Variants in PCGF5 observed in about 807,000 individuals in gnomAD.
PCGF5 encodes the protein polycomb group ring finger 5.
PCGF5 carries 9 observed loss-of-function variants against 44.3 expected under a neutral mutation model. The observed-to-expected ratio is 0.20, with a 90% confidence interval of 0.12 to 0.35. The LOEUF is 0.35. Ranked by LOEUF, PCGF5 falls within the 10% of genes least tolerant of loss-of-function variation. The pLI, the probability that PCGF5 is intolerant of heterozygous loss-of-function variation, is 1.00. For synonymous variants in PCGF5, 95 were observed against 102.5 expected, an observed-to-expected ratio of 0.93 and a Z score of 0.44; for missense variants, 146 against 305.3, an observed-to-expected ratio of 0.48 and a Z score of 3.89.
At chr10:91,191,381 G>A (rs556979448) in intron 1 of PCGF5, among the ~76,000 whole-genome samples, 1 of 152,126 alleles carries the variant, frequency 6.6e-6, no homozygotes, top group Non-Finnish European at 1.5e-5. Flanking sequence ...ACAAAGGGAT[G>A]ATTCACCACA....
chr10:91,239,663 AT>A (rs1845270530), intron 2 of PCGF5, among the ~76,000 whole-genome samples: 1 of 152,142 alleles, frequency 6.6e-6, no homozygotes, highest in Non-Finnish European at 1.5e-5. Flanking sequence ...TACTGTAAAT[AT>A]TGTCTAAGGT....
chr10:91,278,067 C>T (rs7919961), intron 9 of PCGF5, among the ~76,000 whole-genome samples: 19,869 of 152,040 alleles, frequency 0.13, 2,440 homozygotes, highest in African/African-American at 0.32. Context: ...CTGCATATTA[C>T]TGAAAACTTG....
intron 1 of PCGF5, among the ~76,000 whole-genome samples, chr10:91,211,381 G>C (rs1247907633): frequency 6.6e-6 from 1 of 152,164 alleles, no homozygotes; most frequent in Non-Finnish European, 1.5e-5. Flanking sequence ...CTCCATGACA[G>C]TGTGCTGTGT....
chr10:91,177,525 A>C (rs1327682628), intron 1 of PCGF5, among the ~76,000 whole-genome samples: 1 of 152,232 alleles, frequency 6.6e-6, no homozygotes, highest in Non-Finnish European at 1.5e-5. Flanking sequence ...AGAGGCAGAC[A>C]GGCCTCCTTG....
intron 3 of PCGF5, among the ~76,000 whole-genome samples, chr10:91,240,980 T>G (rs1254115010): frequency 1.3e-5 from 2 of 150,650 alleles, no homozygotes; most frequent in East Asian, 3.9e-4. Context: ...AACATTTATG[T>G]AAAACCTAAA....
intron 1 of PCGF5, among the ~76,000 whole-genome samples, chr10:91,215,109 A>G (rs1844518783): frequency 6.6e-6 from 1 of 152,182 alleles, no homozygotes; most frequent in Admixed American, 6.5e-5. Flanking sequence ...CCCTCCTAAC[A>G]TTTTTGGGAA....
chr10:91,216,065 T>G (rs1474794837), upstream of PCGF5, among the ~76,000 whole-genome samples: 2 of 152,248 alleles, frequency 1.3e-5, no homozygotes, highest in Non-Finnish European at 2.9e-5. Flanking sequence ...CTTTTTGCCA[T>G]CCACTCTGCT....
intron 2 of PCGF5, among the ~76,000 whole-genome samples, chr10:91,237,979 A>T (rs1845213835): frequency 6.6e-6 from 1 of 152,228 alleles, no homozygotes; most frequent in African/African-American, 2.4e-5. Flanking sequence ...TGTATAATTT[A>T]AAATTTTCTA....
intron 1 of PCGF5, among the ~76,000 whole-genome samples, chr10:91,179,269 G>C (rs1028194907): frequency 2.6e-5 from 4 of 152,206 alleles, no homozygotes; most frequent in African/African-American, 9.7e-5. Flanking sequence ...CATGGGAGAG[G>C]TGAGTTAGAT....
Position 91,263,462 on chromosome 10 carries a change from C to T in PCGF5, c.574-969C>T, listed in dbSNP as rs181388260. Among the ~76,000 whole-genome samples the T allele has an allele frequency of 5.3e-5, 8 of 152,262 alleles. No homozygotes were observed. The East Asian group carries it at 1.5e-3, about 29-fold the overall frequency. On this transcript the variant is annotated intron_variant, in intron 7 of 9. Transcript: ENST00000336126. The stretch of plus-strand genomic sequence containing the variant: ...TAATACAATTAACTGAAACTATACT[C>T]ATCTTAAAGTTCAAAACTGTAGTCT...
intron 9 of PCGF5, among the ~76,000 whole-genome samples, chr10:91,277,167 T>G (rs1846337167): frequency 6.6e-6 from 1 of 152,190 alleles, no homozygotes; most frequent in Admixed American, 6.5e-5. Flanking sequence ...CATCCTGAGC[T>G]GAATGGTTAC....
intron 6 of PCGF5, among the ~76,000 whole-genome samples, chr10:91,259,455 A>C (rs1385070900): frequency 2.0e-5 from 3 of 152,188 alleles, no homozygotes; most frequent in Non-Finnish European, 4.4e-5. Flanking sequence ...TATAATCTTC[A>C]CAGAATTGGA....
intron 1 of PCGF5, among the ~76,000 whole-genome samples, chr10:91,207,009 G>A (rs1844359621): frequency 6.6e-6 from 1 of 152,168 alleles, no homozygotes. Context: ...TAGGATGCAA[G>A]GTCCGTGAGA....
intron 6 of PCGF5, among the ~76,000 whole-genome samples, chr10:91,252,449 G>T (rs1208399093): frequency 1.3e-5 from 2 of 151,988 alleles, no homozygotes; most frequent in Non-Finnish European, 2.9e-5. Flanking sequence ...TATCCACTAT[G>T]TGAACAGTAG....
chr10:91,204,976 A>C lies in PCGF5; in HGVS notation c.-183-17713A>C, dbSNP rs190288421. Reference sequence around the variant, plus strand: ...TACATAGCTATATTTAAATTGAAATATATCTGTAAACTATCTAGCAAATTT... The same window carrying C: ...TACATAGCTATATTTAAATTGAAATCTATCTGTAAACTATCTAGCAAATTT... On this transcript the variant is annotated intron_variant, in intron 1 of 9. Coordinates refer to the PCGF5 transcript ENST00000614189. Among the ~76,000 whole-genome samples the C allele has an allele frequency of 1.4e-3, 213 of 152,366 alleles. 1 individual carries two copies. The highest frequency in any genetic ancestry group is 4.7e-3 in the African/African-American group (194 of 41,584).
At chr10:91,201,533 C>A (rs542581958) in intron 1 of PCGF5, among the ~76,000 whole-genome samples, 3 of 152,082 alleles carry the variant, frequency 2.0e-5, no homozygotes, top group African/African-American at 7.2e-5. Flanking sequence ...AAAAAAAATA[C>A]GTAAACAGAG....
chr10:91,156,338 G>C, the PCGF5 span, among the ~76,000 whole-genome samples: 1 of 152,170 alleles, frequency 6.6e-6, no homozygotes, highest in African/African-American at 2.4e-5. Flanking sequence ...AAGATGGTTA[G>C]ATAAGACCAT....
At chr10:91,219,449 A>G (rs1282313212), upstream of PCGF5, among the ~76,000 whole-genome samples, 2 of 152,204 alleles carry the variant, frequency 1.3e-5, no homozygotes, top group African/African-American at 4.8e-5. Context: ...TTTTAAACAC[A>G]CTAGAAGTAG....
chr10:91,270,059 C>T (rs942036473), intron 8 of PCGF5, among the ~76,000 whole-genome samples: 3 of 152,128 alleles, frequency 2.0e-5, no homozygotes, highest in African/African-American at 7.2e-5. Context: ...ATAACTTATG[C>T]ATATTAACGT....
Sources: gnomAD v4.1 joint callset for allele counts (sites outside exome capture counted in the v4.1 genomes callset) on GRCh38, gnomAD v4.1.1 for gene constraint, MANE v1.5 for transcripts, NCBI Gene and HGNC (gene_info 2026-07-23, HGNC 2026-07-21) for gene names.